MSR1: variants seen among roughly 807,000 people sequenced by gnomAD.
MSR1 encodes macrophage scavenger receptor types I and II.
MSR1 carries 53 observed loss-of-function variants against 47.2 expected under a neutral mutation model. The observed-to-expected ratio is 1.12, with a 90% CI of 0.90 to 1.41. The LOEUF (loss-of-function observed/expected upper bound fraction) is 1.41, where lower values mean the gene tolerates loss of function less well. Among genes scored for constraint, MSR1 ranks in the 40% most tolerant of loss-of-function variants. The probability of loss-of-function intolerance (pLI) is 0.00; values close to 1 mark genes in which losing one functional copy is unlikely to be tolerated. For missense variants in MSR1, 786 were observed against 546.9 expected, an observed-to-expected ratio of 1.44 and a Z score of -4.36; for synonymous variants, 239 against 185.6, an observed-to-expected ratio of 1.29 and a Z score of -2.34.
intron 8 of MSR1, among the ~76,000 whole-genome samples, chr8:16,123,192 A>G (rs1296146987): frequency 6.6e-6 from 1 of 152,092 alleles, no homozygotes; most frequent in African/African-American, 2.4e-5. Flanking sequence ...ATGCTGATCC[A>G]TATCTGTCAC....
At chr8:16,183,396 G>A (rs996735233) in intron 1 of MSR1, among the ~76,000 whole-genome samples, 1 of 151,258 alleles carries the variant, frequency 6.6e-6, no homozygotes, top group African/African-American at 2.4e-5. Context: ...ACAGCCTAAA[G>A]CAACCTGGAA....
intron 3 of MSR1, among the ~76,000 whole-genome samples, chr8:16,173,641 C>A (rs1268315196): frequency 6.6e-6 from 1 of 151,756 alleles, no homozygotes; most frequent in African/African-American, 2.4e-5. Flanking sequence ...CCTGTGGTGA[C>A]TTTTTTGTTT....
chr8:16,161,630 T>G (rs1385884057), intron 5 of MSR1, among the ~76,000 whole-genome samples: 1 of 152,022 alleles, frequency 6.6e-6, no homozygotes, highest in African/African-American at 2.4e-5. Flanking sequence ...TTTTCATAGA[T>G]AAATATTACC....
At chr8:16,175,742 G>A (rs1801627150) in intron 2 of MSR1, among the ~76,000 whole-genome samples, 1 of 152,062 alleles carries the variant, frequency 6.6e-6, no homozygotes, top group Non-Finnish European at 1.5e-5. Flanking sequence ...CAATGACTAT[G>A]ATGTTAAAAT....
chr8:16,165,934 A>C (rs1801292766), intron 4 of MSR1, among the ~76,000 whole-genome samples: 1 of 152,118 alleles, frequency 6.6e-6, no homozygotes, highest in African/African-American at 2.4e-5. Flanking sequence ...TCTGTACAAT[A>C]CCATCATTAC....
At chr8:16,140,802 G>A (rs1800535426) in intron 8 of MSR1, 5 of 1,507,700 alleles carry the variant, frequency 3.3e-6, no homozygotes, top group Non-Finnish European at 4.4e-6. Flanking sequence ...GAAGAGGTAT[G>A]AGCATGGGAG....
At chr8:16,163,791 T>C (rs969312176) in intron 5 of MSR1, among the ~76,000 whole-genome samples, 2 of 151,796 alleles carry the variant, frequency 1.3e-5, no homozygotes, top group South Asian at 2.1e-4. Context: ...AAAACTTGTA[T>C]TCAGTACTTA....
At chr8:16,150,114 T>TTC (rs1227986130) in intron 7 of MSR1, 117 bp downstream of exon 7, 1 of 212,418 alleles carries the variant, frequency 4.7e-6, no homozygotes, top group African/African-American at 3.1e-5. Context: ...ATATATAACA[T>TTC]TATGTGTGTG....
intron 1 of MSR1, among the ~76,000 whole-genome samples, chr8:16,186,533 C>T (rs449758): frequency 0.26 from 39,405 of 151,930 alleles, 7,051 homozygotes; most frequent in East Asian, 0.53. Context: ...TCTCATCCAA[C>T]CCTGTTGCTT....
At chr8:16,173,633 T>C (rs1332324512) in intron 3 of MSR1, among the ~76,000 whole-genome samples, 3 of 152,140 alleles carry the variant, frequency 2.0e-5, no homozygotes, top group Non-Finnish European at 4.4e-5. Flanking sequence ...AATATTTTCC[T>C]GTGGTGACTT....
chr8:16,128,102 T>A (rs1563142547), intron 8 of MSR1, among the ~76,000 whole-genome samples: 1 of 152,178 alleles, frequency 6.6e-6, no homozygotes, highest in Non-Finnish European at 1.5e-5. Flanking sequence ...AATTTACTTA[T>A]GGTGCAATTT....
At chr8:16,147,625 A>C (rs1800736646) in intron 7 of MSR1, among the ~76,000 whole-genome samples, 2 of 152,106 alleles carry the variant, frequency 1.3e-5, no homozygotes, top group African/African-American at 4.8e-5. Context: ...CATATTTGAC[A>C]ATTATCGGAC....
At chr8:16,119,585 C>T (rs576579277) in intron 9 of MSR1, among the ~76,000 whole-genome samples, 3 of 152,054 alleles carry the variant, frequency 2.0e-5, no homozygotes, top group Admixed American at 6.6e-5. Context: ...CTATTATTAA[C>T]GCTATGCAGG....
intron 2 of MSR1, among the ~76,000 whole-genome samples, chr8:16,176,043 G>A (rs1801636536): frequency 6.6e-6 from 1 of 152,152 alleles, no homozygotes; most frequent in African/African-American, 2.4e-5. Flanking sequence ...TCATTTCTCT[G>A]ATTAGTTGAA....
intron 1 of MSR1, among the ~76,000 whole-genome samples, chr8:16,179,742 A>G (rs924096415): frequency 2.5e-4 from 34 of 138,288 alleles, no homozygotes; most frequent in African/African-American, 9.3e-4. Flanking sequence ...TTAGCCAGGT[A>G]TGGTGGCACC....
At chr8:16,137,166 C>A in intron 8 of MSR1, among the ~76,000 whole-genome samples, 1 of 152,076 alleles carries the variant, frequency 6.6e-6, no homozygotes, top group Non-Finnish European at 1.5e-5. Flanking sequence ...TCCCCAGGTG[C>A]ACATAAGTAG....
intron 8 of MSR1, chr8:16,140,930 A>G: frequency 4.3e-6 from 7 of 1,613,014 alleles, no homozygotes; most frequent in Non-Finnish European, 4.2e-6. Context: ...AGTTGTGCAG[A>G]TGACTTGTCC....
chr8:16,153,563 A>T (rs1025963094), intron 6 of MSR1, among the ~76,000 whole-genome samples: 6 of 146,592 alleles, frequency 4.1e-5, no homozygotes, highest in Non-Finnish European at 9.1e-5. Context: ...AATTTACAAT[A>T]AAAAAAAAAC....
intron 9 of MSR1, among the ~76,000 whole-genome samples, chr8:16,116,482 C>T (rs753223156): frequency 3.3e-5 from 5 of 152,090 alleles, no homozygotes; most frequent in African/African-American, 7.2e-5. Context: ...AAACAGCCTC[C>T]TGAAAATTTA....
Sources: gnomAD v4.1 joint callset for allele counts (sites outside exome capture counted in the v4.1 genomes callset) on GRCh38, gnomAD v4.1.1 for gene constraint, MANE v1.5 for transcripts, NCBI Gene and HGNC (gene_info 2026-07-23, HGNC 2026-07-21) for gene names.